PRKAR1B: variants seen among roughly 807,000 people sequenced by gnomAD.
PRKAR1B encodes the protein cAMP-dependent protein kinase type I-beta regulatory subunit.
PRKAR1B carries 22 observed loss-of-function variants against 46.5 expected under a neutral mutation model. That is an observed-to-expected ratio of 0.47 (90% CI 0.34 to 0.68). PRKAR1B has a LOEUF of 0.68. Ranked by LOEUF, PRKAR1B falls within the 30% of genes least tolerant of loss-of-function variation. The pLI, the probability that PRKAR1B is intolerant of heterozygous loss-of-function variation, is 0.01. For missense variants in PRKAR1B, 445 were observed against 535.6 expected (o/e 0.83, Z 1.67); for synonymous variants, 259 against 217.7 (o/e 1.19, Z -1.67).
At chr7:650,935 C>T (rs759318604) in intron 4 of PRKAR1B, among the ~76,000 whole-genome samples, 2 of 152,308 alleles carry the variant, frequency 1.3e-5, no homozygotes, top group South Asian at 2.1e-4. Context: ...CACCGAGAGC[C>T]CTGACTCAGC....
At chr7:622,815 T>A (rs917796496) in intron 4 of PRKAR1B, among the ~76,000 whole-genome samples, 2 of 152,202 alleles carry the variant, frequency 1.3e-5, no homozygotes, top group Non-Finnish European at 2.9e-5. Flanking sequence ...CATACTAATA[T>A]GTTTTTCTGA....
At chr7:696,140 A>ATT (rs58169213) in intron 2 of PRKAR1B, among the ~76,000 whole-genome samples, 2 of 149,200 alleles carry the variant, frequency 1.3e-5, no homozygotes, top group African/African-American at 5.0e-5. Flanking sequence ...GCCTGGCTAA[A>ATT]TTTTTTTATT....
chr7:662,345 A>G (rs1378367257), intron 4 of PRKAR1B, among the ~76,000 whole-genome samples: 4 of 52,756 alleles, frequency 7.6e-5, no homozygotes, highest in African/African-American at 1.6e-4. Context: ...TCTCCCCCCC[A>G]TGGCACAGGT....
intron 2 of PRKAR1B, among the ~76,000 whole-genome samples, chr7:683,353 T>C (rs555035154): frequency 3.3e-5 from 5 of 152,244 alleles, no homozygotes; most frequent in African/African-American, 1.2e-4. Context: ...TTCCAAATAT[T>C]GAACCCAAGG....
intron 4 of PRKAR1B, among the ~76,000 whole-genome samples, chr7:650,554 T>C (rs1784849794): frequency 1.3e-5 from 2 of 152,246 alleles, no homozygotes; most frequent in Admixed American, 6.5e-5. Flanking sequence ...GGTGCACTTC[T>C]GGCACAGCCT....
intron 4 of PRKAR1B, among the ~76,000 whole-genome samples, chr7:660,065 C>T (rs907131393): frequency 3.3e-5 from 5 of 151,998 alleles, no homozygotes; most frequent in Admixed American, 6.5e-5. Flanking sequence ...GAGGTGCCGC[C>T]GCCTTGGGCT....
intron 4 of PRKAR1B, among the ~76,000 whole-genome samples, chr7:643,194 C>T (rs917215838): frequency 6.6e-6 from 1 of 151,602 alleles, no homozygotes; most frequent in Middle Eastern, 3.2e-3. Context: ...TATTCAGTCA[C>T]TCTTTCATGC....
chr7:588,595 C>CGGTGGTGGTGAT (rs1334963080), intron 7 of PRKAR1B, among the ~76,000 whole-genome samples: 3 of 24,066 alleles, frequency 1.2e-4, no homozygotes, highest in African/African-American at 5.2e-4. Context: ...GTGGTGATGA[C>CGGTGGTGGTGAT]GGTGGTGATG....
At chr7:607,088 C>T (rs1310855023) in intron 5 of PRKAR1B, among the ~76,000 whole-genome samples, 2 of 152,146 alleles carry the variant, frequency 1.3e-5, no homozygotes, top group Non-Finnish European at 2.9e-5. Context: ...ACTGCAACCT[C>T]CGCCTCCCAG....
chr7:567,550 T>C (rs565950929), intron 9 of PRKAR1B, among the ~76,000 whole-genome samples: 19 of 127,746 alleles, frequency 1.5e-4, no homozygotes, highest in South Asian at 4.6e-4. Flanking sequence ...ACCATCATCA[T>C]CACCATCACC....
chr7:712,665 C>G (rs1780721520), intron 1 of PRKAR1B: 1 of 129,044 alleles, frequency 7.7e-6, no homozygotes, highest in African/African-American at 2.8e-5. Context: ...CGCCCCATCC[C>G]CCACCGGCGC....
intron 4 of PRKAR1B, among the ~76,000 whole-genome samples, chr7:670,375 A>G (rs35365624): frequency 0.52 from 79,720 of 152,076 alleles, 21,297 homozygotes; most frequent in Admixed American, 0.58. Flanking sequence ...ACATGTGACA[A>G]TTCTGGGCTG....
At chr7:687,045 AT>A (rs1259206661) in intron 2 of PRKAR1B, among the ~76,000 whole-genome samples, 2 of 152,206 alleles carry the variant, frequency 1.3e-5, no homozygotes, top group African/African-American at 4.8e-5. Context: ...TCAGTCCCTA[AT>A]TGGATAAGGG....
chr7:651,055 T>A (rs1488360111), intron 4 of PRKAR1B, among the ~76,000 whole-genome samples: 2 of 152,206 alleles, frequency 1.3e-5, no homozygotes, highest in Non-Finnish European at 2.9e-5. Context: ...TTCTGGAAGC[T>A]TCCCCGGGTT....
Position 577,393 on chromosome 7 carries a change from G to A in PRKAR1B, c.891+1863C>T, listed in dbSNP as rs146749508. On this transcript the variant is annotated intron_variant, in intron 9 of 10. Transcript: ENST00000537384. ...CGCCACCCTGACGCACGCATTTCCC[G>A]ATGACAGGTACAGAGTTGGGGCGTG... 6.5e-3 allele frequency among the ~76,000 whole-genome samples: 987 copies of A among 152,296 alleles called. 33 individuals are homozygous for A. The East Asian group carries it at 0.073, about 11-fold the overall frequency.
intron 9 of PRKAR1B, among the ~76,000 whole-genome samples, chr7:570,149 G>A (rs918270668): frequency 6.6e-6 from 1 of 152,208 alleles, no homozygotes; most frequent in African/African-American, 2.4e-5. Context: ...GATCTCACCT[G>A]CCCTGACCCG....
At chr7:655,365 C>T (rs1785139490) in intron 4 of PRKAR1B, among the ~76,000 whole-genome samples, 3 of 152,200 alleles carry the variant, frequency 2.0e-5, no homozygotes, top group Non-Finnish European at 4.4e-5. Flanking sequence ...AGGCATGCCC[C>T]TGACCACAGG....
rs199887030 is a variant in PRKAR1B, at chr7:699,238, C to T, written c.177+12091G>A. Among the ~76,000 whole-genome samples the T allele has an allele frequency of 2.6e-5, 4 of 151,042 alleles. 1 individual carries two copies. The East Asian group carries it at 5.8e-4, about 22-fold the overall frequency. On this transcript the variant is annotated intron_variant, in intron 2 of 10. Transcript: ENST00000537384. ...AACCCACGTTCTCTCTCCAAGCACC[C>T]GTTTTCTCATTTGTAAGATGGGAAT... is the stretch of plus-strand genomic sequence containing the variant.
chr7:567,970 C>G (rs1340845833), intron 9 of PRKAR1B, among the ~76,000 whole-genome samples: 1 of 152,202 alleles, frequency 6.6e-6, no homozygotes, highest in Non-Finnish European at 1.5e-5. Context: ...AGCCACACAG[C>G]AAAATGACCT....
Sources: allele counts gnomAD v4.1 joint callset (sites outside exome capture counted in the v4.1 genomes callset), GRCh38; gene constraint gnomAD v4.1.1; transcripts MANE v1.5; gene names NCBI Gene and HGNC (gene_info 2026-07-23, HGNC 2026-07-21).